The following PDSS2 variants were observed in gnomAD, a reference collection of about 807,000 sequenced individuals.
PDSS2 encodes the protein decaprenyl diphosphate synthase subunit 2.
A neutral mutation model predicts 44.5 loss-of-function variants in PDSS2; 31 were observed. That is an observed-to-expected ratio of 0.70 (90% CI 0.52 to 0.94). The LOEUF (loss-of-function observed/expected upper bound fraction) is 0.94. Ranked by LOEUF, PDSS2 falls within the 40% of genes least tolerant of loss-of-function variation. PDSS2 has a pLI of 0.00. For missense variants in PDSS2, 452 were observed against 482.2 expected (o/e 0.94, Z 0.59); for synonymous variants, 157 against 180.3 (o/e 0.87, Z 1.03).
chr6:107,162,520 G>A, intron 7 of PDSS2, among the ~76,000 whole-genome samples: 1 of 139,942 alleles, frequency 7.1e-6, no homozygotes. Context: ...AAAAAAAGGA[G>A]AGAGCATTCC....
intron 2 of PDSS2, among the ~76,000 whole-genome samples, chr6:107,311,859 G>C (rs1250980063): frequency 6.6e-6 from 1 of 152,186 alleles, no homozygotes; most frequent in African/African-American, 2.4e-5. Flanking sequence ...CATGTGTAAA[G>C]TGTTTTCAGC....
chr6:107,152,586 CTTTT>C lies in PDSS2; in HGVS notation c.*2029_*2032del, dbSNP rs886060914. ...ATTTCATAATTATCTTGTTTAATCT[CTTTT>C]TTTTTTTCACACTTGACTTTCAGGT... On this transcript the variant is annotated 3_prime_UTR_variant, in exon 8 of 8. Coordinates refer to ENST00000369037, the MANE Select transcript of PDSS2 (RefSeq NM_020381.4). 6.8e-6 allele frequency: 1 copy of C among 147,916 alleles called. No individual in the cohort carries two copies. Among genetic ancestry groups the C allele is most frequent in the Non-Finnish European group, 1.5e-5 (1 of 66,694 alleles). The allele number at this position is 147,916 out of a possible 1,614,324, so 9.2% of individuals were successfully genotyped here. A position where few individuals can be genotyped will look rare whatever the true frequency, so the allele number is the denominator to read the frequency against.
chr6:107,362,030 A>G (rs1423773203), intron 1 of PDSS2, among the ~76,000 whole-genome samples: 1 of 152,224 alleles, frequency 6.6e-6, no homozygotes, highest in Non-Finnish European at 1.5e-5. Context: ...ACTGTTAGTT[A>G]AAAGTACTGA....
chr6:107,160,552 A>G (rs989626902), intron 7 of PDSS2, among the ~76,000 whole-genome samples: 8 of 151,884 alleles, frequency 5.3e-5, no homozygotes, highest in Non-Finnish European at 1.0e-4. Context: ...CATTCTCACT[A>G]TATTGCTCAA....
intron 1 of PDSS2, among the ~76,000 whole-genome samples, chr6:107,386,409 G>A (rs552455291): frequency 4.7e-5 from 7 of 149,220 alleles, no homozygotes; most frequent in African/African-American, 1.5e-4. Context: ...ATTGACAATT[G>A]GATCCTATAT....
chr6:107,385,347 A>AG (rs1221557154), intron 1 of PDSS2, among the ~76,000 whole-genome samples: 1 of 152,184 alleles, frequency 6.6e-6, no homozygotes, highest in Non-Finnish European at 1.5e-5. Context: ...AAAAAAAAAA[A>AG]AAATCTTCAT....
Position 107,459,261 on chromosome 6 carries a change from G to A in PDSS2, c.25C>T (p.His9Tyr). 1.2e-6 allele frequency: 2 copies of A among 1,614,118 alleles called. No homozygotes were observed. Among genetic ancestry groups the A allele is most frequent in the Non-Finnish European group, 1.7e-6 (2 of 1,180,032 alleles). MNFRQLLLHLPRYLGASGS... is the reference protein window; with the variant it reads MNFRQLLLYLPRYLGASGS... ...GAGGCTCCAAGATAACGTGGCAAGT[G>A]CAACAGCAGCTGCCGAAAGTTCATG... The change falls in exon 1 of 8, where the codon CAC (histidine) becomes TAC (tyrosine). Residue 9 changes from histidine (H) to tyrosine (Y), a missense_variant. By Grantham distance (83) the His-to-Tyr change is moderately conservative. Coordinates refer to ENST00000369037, the MANE Select transcript of PDSS2 (RefSeq NM_020381.4). The surrounding 1 kb of genome is among the most constrained non-coding windows in gnomAD (Gnocchi z 4.3).
intron 2 of PDSS2, among the ~76,000 whole-genome samples, chr6:107,320,363 A>C (rs1156821619): frequency 1.3e-5 from 2 of 152,192 alleles, no homozygotes; most frequent in Non-Finnish European, 2.9e-5. Flanking sequence ...GACAAGAGAA[A>C]ATCTTGTAGG....
chr6:107,189,525 A>T (rs558019496), intron 7 of PDSS2, among the ~76,000 whole-genome samples: 1 of 152,012 alleles, frequency 6.6e-6, no homozygotes, highest in Non-Finnish European at 1.5e-5. Flanking sequence ...TTTAGTAGGG[A>T]CGGGGTTTCA....
At chr6:107,172,682 G>C (rs1771621749) in intron 7 of PDSS2, among the ~76,000 whole-genome samples, 1 of 152,012 alleles carries the variant, frequency 6.6e-6, no homozygotes. Context: ...ATGGTTTGTG[G>C]GCTCTAGAAA....
intron 2 of PDSS2, among the ~76,000 whole-genome samples, chr6:107,287,573 G>T (rs1186137062): frequency 6.6e-6 from 1 of 152,040 alleles, no homozygotes; most frequent in Non-Finnish European, 1.5e-5. Flanking sequence ...CCAGGCTGGA[G>T]TGCAGTGGTG....
chr6:107,415,468 A>ACT lies in PDSS2; in HGVS notation c.296+43520_296+43521dup. On this transcript the variant is annotated intron_variant, in intron 1 of 7. Transcript: ENST00000369037. ...AGATCCTTGTTCATAAAAAACAGAT[A>ACT]CTCTCACATCAGGATTACTGTCTCC... 2.0e-5 allele frequency among the ~76,000 whole-genome samples: 3 copies of ACT among 152,080 alleles called. 1 individual carries two copies. Among genetic ancestry groups the ACT allele is most frequent in the Middle Eastern group, 6.8e-3 (2 of 294 alleles).
intron 1 of PDSS2, among the ~76,000 whole-genome samples, chr6:107,412,942 T>G (rs1332528073): frequency 1.3e-5 from 2 of 152,232 alleles, no homozygotes; most frequent in Non-Finnish European, 2.9e-5. Context: ...GAGATACTGC[T>G]TTTTACCATA....
chr6:107,401,064 A>C (rs1052849136), intron 1 of PDSS2, among the ~76,000 whole-genome samples: 11 of 152,172 alleles, frequency 7.2e-5, no homozygotes, highest in African/African-American at 2.7e-4. Context: ...TATAAACACT[A>C]CTGCAACCAT....
chr6:107,313,454 G>T (rs959957092), intron 2 of PDSS2, among the ~76,000 whole-genome samples: 2 of 152,092 alleles, frequency 1.3e-5, no homozygotes, highest in Non-Finnish European at 2.9e-5. Flanking sequence ...CTAGATTCAA[G>T]CAATTCTCCT....
chr6:107,273,148 TTAATTTTTTATTTTTAGTAGAGAC>T (rs1775660919), intron 3 of PDSS2, among the ~76,000 whole-genome samples: 1 of 151,800 alleles, frequency 6.6e-6, no homozygotes, highest in Non-Finnish European at 1.5e-5. Flanking sequence ...CCACGCCCAG[TTAATTTTTTATTTTTAGTAGAGAC>T]GGGGTTTCAC....
chr6:107,183,739 G>A (rs550793573), intron 7 of PDSS2, among the ~76,000 whole-genome samples: 5 of 152,028 alleles, frequency 3.3e-5, no homozygotes, highest in African/African-American at 9.6e-5. Context: ...CTCTAAAAAT[G>A]CAAAAATTAG....
At chr6:107,186,928 G>A (rs1456200284) in intron 7 of PDSS2, among the ~76,000 whole-genome samples, 1 of 152,132 alleles carries the variant, frequency 6.6e-6, no homozygotes, top group Non-Finnish European at 1.5e-5. Flanking sequence ...CTCCTGAAAT[G>A]GCTGCTGAGT....
chr6:107,188,688 C>T (rs1772262994), intron 7 of PDSS2, among the ~76,000 whole-genome samples: 1 of 152,100 alleles, frequency 6.6e-6, no homozygotes, highest in East Asian at 1.9e-4. Context: ...TGGCTTAGTG[C>T]CATGCCCTTG....
Sources: gnomAD v4.1 joint callset for allele counts (sites outside exome capture counted in the v4.1 genomes callset) on GRCh38, gnomAD v4.1.1 for gene constraint, Gnocchi (gnomAD v3.1) non-coding constraint, MANE v1.5 for transcripts, NCBI Gene and HGNC (gene_info 2026-07-23, HGNC 2026-07-21) for gene names.